The following TTLL11 variants were observed in gnomAD, a reference collection of about 807,000 sequenced individuals.
TTLL11 encodes the protein tubulin tyrosine ligase like 11.
In TTLL11, 42 loss-of-function variants were observed where a neutral mutation model predicts 51.7. That is an observed-to-expected ratio of 0.81 (90% CI 0.64 to 1.05). The LOEUF (loss-of-function observed/expected upper bound fraction) is 1.05, where lower values mean the gene tolerates loss of function less well. Ranked by LOEUF, TTLL11 falls within the 50% of genes least tolerant of loss-of-function variation. The pLI, the probability that TTLL11 is intolerant of heterozygous loss-of-function variation, is 0.00. For missense variants in TTLL11, 799 were observed against 940.4 expected (o/e 0.85, Z 1.97); for synonymous variants, 381 against 383.5 (o/e 0.99, Z 0.08).
chr9:121,847,195 G>A (rs1336693532), intron 8 of TTLL11, among the ~76,000 whole-genome samples: 2 of 127,908 alleles, frequency 1.6e-5, no homozygotes, highest in Non-Finnish European at 3.1e-5. Flanking sequence ...GGGAGACTGC[G>A]AGACTCCGTC....
At position 122,092,863 on chromosome 9, in the gene TTLL11, C is replaced by T. The variant is rs1564395206; in HGVS notation, c.286G>A (p.Val96Met). The T allele has an allele frequency of 1.3e-6, 2 of 1,571,942 alleles. No individual in the cohort carries two copies. The highest frequency in any genetic ancestry group is 1.3e-5 in the African/African-American group (1 of 74,112). The change falls in exon 1 of 9, where the codon GTG (valine) becomes ATG (methionine). Residue 96 changes from valine (V) to methionine (M), a missense_variant. Val to Met is a conservative substitution (Grantham distance 21). Transcript: ENST00000321582. ...TTCCCGTGCGGGCAGAGGCCCTGCA[C>T]CGGCTTCGGCTTGGACGGGGGCAGC... ...PTLPPSKPKP[V>M]QGLCPHGKPR...
At chr9:121,918,605 T>C (rs1256915952) in intron 6 of TTLL11, among the ~76,000 whole-genome samples, 1 of 152,140 alleles carries the variant, frequency 6.6e-6, no homozygotes, top group Non-Finnish European at 1.5e-5. Context: ...GGAGGCATCA[T>C]TAGAGATAAA....
At chr9:121,829,518 G>C (rs1315496475) in intron 8 of TTLL11, among the ~76,000 whole-genome samples, 1 of 151,932 alleles carries the variant, frequency 6.6e-6, no homozygotes, top group Non-Finnish European at 1.5e-5. Flanking sequence ...TTATTAGGGA[G>C]GTAAGGAGGA....
At chr9:121,974,751 A>ACT in intron 5 of TTLL11, 133 bp downstream of exon 5, 1 of 732,272 alleles carries the variant, frequency 1.4e-6, no homozygotes. Context: ...CAAAACTGAA[A>ACT]TTATTTGACT....
At chr9:121,932,351 C>G (rs145650731) in intron 6 of TTLL11, among the ~76,000 whole-genome samples, 4 of 152,320 alleles carry the variant, frequency 2.6e-5, no homozygotes, top group Admixed American at 1.3e-4. Context: ...GTTGGAGACA[C>G]AGGCTGTGTT....
intron 6 of TTLL11, among the ~76,000 whole-genome samples, chr9:121,962,354 G>A (rs1372714627): frequency 6.6e-6 from 1 of 152,108 alleles, no homozygotes; most frequent in African/African-American, 2.4e-5. Flanking sequence ...TATGATGGGT[G>A]GTCCTGACCC....
intron 6 of TTLL11, among the ~76,000 whole-genome samples, chr9:121,922,095 C>G (rs1840565657): frequency 6.6e-6 from 1 of 152,296 alleles, no homozygotes; most frequent in South Asian, 2.1e-4. Context: ...TCAACTTCAA[C>G]TCCTCAGTCC....
At chr9:121,859,231 CT>C (rs1837928335) in intron 8 of TTLL11, among the ~76,000 whole-genome samples, 1 of 151,980 alleles carries the variant, frequency 6.6e-6, no homozygotes, top group Non-Finnish European at 1.5e-5. Context: ...TGGCTCACGC[CT>C]GTAATCTCAG....
chr9:121,938,966 C>T (rs2416842), intron 6 of TTLL11, among the ~76,000 whole-genome samples: 7 of 152,024 alleles, frequency 4.6e-5, no homozygotes, highest in Non-Finnish European at 7.4e-5. Context: ...GGCAGCAAAC[C>T]GAAGAGATAA....
At chr9:122,052,027 A>C (rs1159993120) in intron 1 of TTLL11, among the ~76,000 whole-genome samples, 1 of 152,216 alleles carries the variant, frequency 6.6e-6, no homozygotes, top group African/African-American at 2.4e-5. Flanking sequence ...ACAAAAAAAA[A>C]CTATCACTCT....
chr9:121,981,384 G>A (rs1049057105), intron 4 of TTLL11, among the ~76,000 whole-genome samples: 1 of 152,036 alleles, frequency 6.6e-6, no homozygotes, highest in African/African-American at 2.4e-5. Context: ...TATATTTTCT[G>A]TTATAGAAGT....
chr9:122,056,306 T>C (rs187708628), intron 1 of TTLL11, among the ~76,000 whole-genome samples: 189 of 152,334 alleles, frequency 1.2e-3, no homozygotes, highest in African/African-American at 4.3e-3. Flanking sequence ...CAAAAATTAA[T>C]ATTGTACCAA....
chr9:122,022,198 A>G (rs947494983), intron 3 of TTLL11, among the ~76,000 whole-genome samples: 5 of 151,998 alleles, frequency 3.3e-5, no homozygotes, highest in Admixed American at 2.6e-4. Flanking sequence ...GAAGAGGCAT[A>G]GAAAAAAAAT....
chr9:121,974,231 C>A, intron 5 of TTLL11, 107 bp from the exon 6 acceptor site: 1 of 638,246 alleles, frequency 1.6e-6, no homozygotes, highest in South Asian at 3.0e-5. Flanking sequence ...TTATGCTAAT[C>A]TATAGAAGAA....
chr9:122,084,808 T>C (rs1349922327), intron 1 of TTLL11, among the ~76,000 whole-genome samples: 1 of 152,212 alleles, frequency 6.6e-6, no homozygotes, highest in Non-Finnish European at 1.5e-5. Context: ...ACGGAGCCAC[T>C]GCGTGACCCA....
intron 1 of TTLL11, among the ~76,000 whole-genome samples, chr9:122,050,353 T>C (rs959454768): frequency 6.6e-6 from 1 of 152,222 alleles, no homozygotes; most frequent in Non-Finnish European, 1.5e-5. Flanking sequence ...GACACTGCGG[T>C]GTGCGTGCAC....
rs1836630243 is a variant in TTLL11 at position 121,822,991 on chromosome 9, A to T, written c.1841-112T>A. Reference sequence around the variant, plus strand: ...GCAAGAGCTAGCCCCGCTCCCCACCACCGTCTCCATTCCAGAAACTCCTAA... The same window carrying T: ...GCAAGAGCTAGCCCCGCTCCCCACCTCCGTCTCCATTCCAGAAACTCCTAA... On this transcript the variant is annotated intron_variant, in intron 8 of 8. Transcript: ENST00000321582. This position sits in a 1 kb window ranked among gnomAD's most constrained non-coding sequence, Gnocchi z 5.8. 8.1e-7 allele frequency: 1 copy of T among 1,232,410 alleles called. No individual in the cohort carries two copies. The highest frequency in any genetic ancestry group is 1.1e-6 in the Non-Finnish European group (1 of 906,296). The allele number at this position is 1,232,410 out of a possible 1,614,324, so 76.3% of individuals were successfully genotyped here. A position where few individuals can be genotyped will look rare whatever the true frequency, so the allele number is the denominator to read the frequency against.
At chr9:121,963,327 G>A (rs1353699981) in intron 6 of TTLL11, among the ~76,000 whole-genome samples, 2 of 152,180 alleles carry the variant, frequency 1.3e-5, no homozygotes, top group African/African-American at 4.8e-5. Flanking sequence ...TGAGACCAAG[G>A]TGGAGCTGAT....
At chr9:122,009,658 GAGA>G (rs995926453) in intron 3 of TTLL11, among the ~76,000 whole-genome samples, 2 of 151,390 alleles carry the variant, frequency 1.3e-5, no homozygotes, top group African/African-American at 4.8e-5. Flanking sequence ...ATACTGTCCA[GAGA>G]AGAATGAATG....
Sources: allele counts gnomAD v4.1 joint callset (sites outside exome capture counted in the v4.1 genomes callset), GRCh38; gene constraint gnomAD v4.1.1; non-coding constraint Gnocchi (gnomAD v3.1); transcripts MANE v1.5; gene names NCBI Gene and HGNC (gene_info 2026-07-23, HGNC 2026-07-21).